Variants in PAG1 observed in about 807,000 individuals in gnomAD.
The protein encoded by PAG1 is phosphoprotein membrane anchor with glycosphingolipid microdomains 1, also known as phosphoprotein associated with glycosphingolipid-enriched microdomains 1.
A neutral mutation model predicts 31.7 loss-of-function variants in PAG1; 23 were observed. The ratio of observed to expected loss-of-function variants is 0.73; its 90% CI spans 0.52 to 1.03. The LOEUF (loss-of-function observed/expected upper bound fraction) is 1.03. PAG1 is among the 50% of genes least tolerant of loss of function. The pLI is 0.00. For missense variants in PAG1, 473 were observed against 540.7 expected (o/e 0.87, Z 1.24); for synonymous variants, 214 against 210.3 (o/e 1.02, Z -0.15).
At chr8:81,099,977 G>A (rs1213229662) in intron 1 of PAG1, among the ~76,000 whole-genome samples, 3 of 152,166 alleles carry the variant, frequency 2.0e-5, no homozygotes, top group Non-Finnish European at 4.4e-5. Flanking sequence ...AGTAATGCCA[G>A]TTGAAATTTA....
chr8:80,994,165 G>GCCATCTCTAATCTCCC (rs1563621595), intron 3 of PAG1, among the ~76,000 whole-genome samples: 1 of 152,066 alleles, frequency 6.6e-6, no homozygotes, highest in African/African-American at 2.4e-5. Context: ...CTCACCCACT[G>GCCATCTCTAATCTCCC]TTGTCTGAGA....
intron 3 of PAG1, among the ~76,000 whole-genome samples, chr8:81,027,423 C>G (rs1314849420): frequency 6.6e-5 from 10 of 152,160 alleles, no homozygotes; most frequent in African/African-American, 1.9e-4. Flanking sequence ...TGAATCATGT[C>G]ACAAGTGGTG....
At chr8:81,044,948 T>C (rs896144903) in intron 2 of PAG1, among the ~76,000 whole-genome samples, 2 of 152,162 alleles carry the variant, frequency 1.3e-5, no homozygotes, top group Non-Finnish European at 2.9e-5. Flanking sequence ...TGGCTGTCCT[T>C]GTAAGTGCCC....
At chr8:81,035,267 A>G (rs1340418484) in intron 2 of PAG1, among the ~76,000 whole-genome samples, 2 of 152,164 alleles carry the variant, frequency 1.3e-5, no homozygotes, top group African/African-American at 4.8e-5. Flanking sequence ...CCCAAAGAGG[A>G]TCTTCAGTCC....
intron 3 of PAG1, among the ~76,000 whole-genome samples, chr8:81,019,606 C>G (rs1046204436): frequency 6.6e-6 from 1 of 152,182 alleles, no homozygotes; most frequent in African/African-American, 2.4e-5. Context: ...GTACAAAAGT[C>G]AAGAATTGAA....
At chr8:81,105,641 C>CT (rs1480882690) in intron 1 of PAG1, among the ~76,000 whole-genome samples, 2 of 152,110 alleles carry the variant, frequency 1.3e-5, no homozygotes, top group Non-Finnish European at 2.9e-5. Flanking sequence ...TCCCTCAACA[C>CT]TTAAGTTTCC....
chr8:80,998,411 AACC>A (rs1483027954), intron 3 of PAG1, among the ~76,000 whole-genome samples: 1 of 152,026 alleles, frequency 6.6e-6, no homozygotes, highest in African/African-American at 2.4e-5. Context: ...TACAGGCGTG[AACC>A]ACCATGACCG....
intron 1 of PAG1, among the ~76,000 whole-genome samples, chr8:81,107,087 A>C (rs2131138754): frequency 6.6e-6 from 1 of 152,244 alleles, no homozygotes; most frequent in Non-Finnish European, 1.5e-5. Context: ...TGTGACACTA[A>C]ACACAGATAA....
chr8:81,065,811 G>A (rs1039403418), intron 2 of PAG1, among the ~76,000 whole-genome samples: 5 of 150,656 alleles, frequency 3.3e-5, no homozygotes, highest in African/African-American at 9.8e-5. Context: ...ATATATGCAT[G>A]TGTGTGTATG....
chr8:81,066,626 A>C (rs1331970839), intron 2 of PAG1, among the ~76,000 whole-genome samples: 1 of 152,220 alleles, frequency 6.6e-6, no homozygotes, highest in East Asian at 1.9e-4. Context: ...GATAAGTGAG[A>C]ATATGTGAAA....
chr8:81,053,293 C>T (rs1808762449), intron 2 of PAG1, among the ~76,000 whole-genome samples: 1 of 152,238 alleles, frequency 6.6e-6, no homozygotes, highest in East Asian at 1.9e-4. Flanking sequence ...GAAGTGACAA[C>T]TCAATAAGTC....
intron 1 of PAG1, among the ~76,000 whole-genome samples, chr8:81,110,649 C>A (rs1394348183): frequency 1.3e-5 from 2 of 152,172 alleles, no homozygotes; most frequent in African/African-American, 4.8e-5. Flanking sequence ...GGGATGTGTT[C>A]AAAAAGCGGT....
chr8:81,098,556 C>T (rs1809563176), intron 1 of PAG1, among the ~76,000 whole-genome samples: 1 of 152,184 alleles, frequency 6.6e-6, no homozygotes, highest in Non-Finnish European at 1.5e-5. Flanking sequence ...CCTGGGATGG[C>T]AGCTGCCATT....
At chr8:81,023,349 A>G (rs1659565047) in intron 3 of PAG1, among the ~76,000 whole-genome samples, 1 of 152,210 alleles carries the variant, frequency 6.6e-6, no homozygotes, top group Non-Finnish European at 1.5e-5. Context: ...GACCAATTAT[A>G]TAAATTTCAA....
In PAG1 at chr8:80,974,137, A is replaced by G. The variant is rs1807133374; in HGVS notation, c.*2407T>C. On this transcript the variant is annotated 3_prime_UTR_variant, in exon 9 of 9. Transcript: ENST00000220597. ...TTGCAAAATGACATGATTATTTATG[A>G]GCTTTCTATAAAAAGTTTTTTTTTT... 1 of 146,400 alleles carries G rather than the reference A, an allele frequency of 6.8e-6. No homozygotes were observed. The highest frequency in any genetic ancestry group is 2.2e-4 in the South Asian group (1 of 4,600). The allele number at this position is 146,400 out of a possible 1,614,324, so 9.1% of individuals were successfully genotyped here.
intron 2 of PAG1, among the ~76,000 whole-genome samples, chr8:81,045,024 C>T (rs1302531436): frequency 6.6e-6 from 1 of 152,158 alleles, no homozygotes; most frequent in Admixed American, 6.5e-5. Context: ...ACCTATCATC[C>T]ACTCCTATGC....
intron 1 of PAG1, among the ~76,000 whole-genome samples, chr8:81,086,769 T>C (rs532103852): frequency 5.9e-5 from 9 of 152,284 alleles, no homozygotes; most frequent in East Asian, 1.9e-4. Context: ...TTGAGGCCCA[T>C]AATAAGATAT....
intron 6 of PAG1, 118 bp downstream of exon 6, chr8:80,987,252 G>A: frequency 2.9e-6 from 2 of 684,332 alleles, no homozygotes; most frequent in Non-Finnish European, 5.2e-6. Flanking sequence ...AAAACTGCTA[G>A]GAATACTAAA....
chr8:80,985,476 G>T, intron 6 of PAG1, 99 bp from the exon 7 acceptor site: 1 of 1,258,832 alleles, frequency 7.9e-7, no homozygotes, highest in Non-Finnish European at 1.1e-6. Flanking sequence ...CAAGATGCGT[G>T]CTTTTTATTT....
Sources: gnomAD v4.1 joint callset for allele counts (sites outside exome capture counted in the v4.1 genomes callset) on GRCh38, gnomAD v4.1.1 for gene constraint, MANE v1.5 for transcripts, NCBI Gene and HGNC (gene_info 2026-07-23, HGNC 2026-07-21) for gene names.